Variants in QKI observed in about 807,000 individuals in gnomAD.
QKI encodes KH domain-containing RNA-binding protein QKI.
A neutral mutation model predicts 39.0 loss-of-function variants in QKI; 10 were observed. The ratio of observed to expected loss-of-function variants is 0.26; its 90% confidence interval spans 0.16 to 0.43. The LOEUF is 0.43. Ranked by LOEUF, QKI falls within the 20% of genes least tolerant of loss-of-function variation. QKI has a pLI of 1.00. For missense variants in QKI, 218 were observed against 428.0 expected, an observed-to-expected ratio of 0.51 and a Z score of 4.33; for synonymous variants, 204 against 155.4, an observed-to-expected ratio of 1.31 and a Z score of -2.33.
At chr6:163,519,842 A>G (rs1017423380) in intron 3 of QKI, among the ~76,000 whole-genome samples, 1 of 152,142 alleles carries the variant, frequency 6.6e-6, no homozygotes, top group African/African-American at 2.4e-5. Context: ...AATATCTCAG[A>G]AAATGTTTTT....
Position 163,495,793 on chromosome 6 carries a change from A to G in QKI, c.402+16897A>G, listed in dbSNP as rs73244784. On this transcript the variant is annotated intron_variant, in intron 3 of 7. Coordinates refer to ENST00000361752, the MANE Select transcript of QKI (RefSeq NM_006775.3). ...TAGATTCAGGCCATGCATTTTTCAC[A>G]AGAATGTTTTAAAAAGTGATGTTGT... 5.4e-3 allele frequency among the ~76,000 whole-genome samples: 824 copies of G among 152,234 alleles called. 8 individuals carry two copies. Among genetic ancestry groups the G allele is most frequent in the African/African-American group, 0.019 (771 of 41,534 alleles).
rs149013968 is a variant in QKI at position 163,521,561 on chromosome 6, C to T, written c.403-13421C>T. On this transcript the variant is annotated intron_variant, in intron 3 of 7. Coordinates refer to ENST00000361752, the MANE Select transcript of QKI (RefSeq NM_006775.3). Reference sequence around the variant, plus strand: ...TTTTTGAGACAGAAACTCACTCTGTCGCCCAGGCTGGAGTGCAGTGGCATG... The same window carrying T: ...TTTTTGAGACAGAAACTCACTCTGTTGCCCAGGCTGGAGTGCAGTGGCATG... 2.7e-3 allele frequency among the ~76,000 whole-genome samples: 404 copies of T among 152,248 alleles called. 2 individuals are homozygous for T. The highest frequency in any genetic ancestry group is 9.3e-3 in the African/African-American group (386 of 41,544).
At chr6:163,566,925 T>C in intron 7 of QKI, 130 bp downstream of exon 7, 2 of 1,453,660 alleles carry the variant, frequency 1.4e-6, no homozygotes, top group South Asian at 1.4e-5. Flanking sequence ...CTAAATTTGT[T>C]TGTGATCATT....
chr6:163,495,867 A>G (rs1205407660), intron 3 of QKI, among the ~76,000 whole-genome samples: 1 of 152,174 alleles, frequency 6.6e-6, no homozygotes. Context: ...AATTTGCCTC[A>G]TTTTTGATGT....
At chr6:163,463,979 G>T (rs1791537437) in intron 2 of QKI, among the ~76,000 whole-genome samples, 1 of 151,980 alleles carries the variant, frequency 6.6e-6, no homozygotes, top group South Asian at 2.1e-4. Flanking sequence ...AACATGCTCA[G>T]CTCCCCCTCA....
chr6:163,539,999 A>T (rs1781414249), intron 4 of QKI, among the ~76,000 whole-genome samples: 2 of 151,952 alleles, frequency 1.3e-5, no homozygotes, highest in South Asian at 4.1e-4. Context: ...TACTTACGTA[A>T]CATGAGATAC....
intron 2 of QKI, among the ~76,000 whole-genome samples, chr6:163,477,519 A>G (rs1792715562): frequency 6.6e-6 from 1 of 152,206 alleles, no homozygotes; most frequent in Admixed American, 6.5e-5. Context: ...GGTTGGGTAA[A>G]GAGGTAAAAT....
chr6:163,499,296 A>C (rs1345099688), intron 3 of QKI, among the ~76,000 whole-genome samples: 1 of 152,144 alleles, frequency 6.6e-6, no homozygotes, highest in African/African-American at 2.4e-5. Flanking sequence ...CATATCTTGG[A>C]CCAATTTGTA....
intron 3 of QKI, among the ~76,000 whole-genome samples, chr6:163,529,465 G>A (rs958941450): frequency 6.6e-6 from 1 of 152,022 alleles, no homozygotes; most frequent in Non-Finnish European, 1.5e-5. Context: ...TATTCAACTT[G>A]GAGCAAACTT....
At position 163,453,213 on chromosome 6, in the gene QKI, A is replaced by G. The variant is rs545885819; in HGVS notation, c.143-2066A>G. ...ATAGTAGATTTTTCAATATTGAACT[A>G]TTCTTGCACTCAGGGTATAAATTCT... On this transcript the variant is annotated intron_variant, in intron 1 of 7. Coordinates refer to ENST00000361752, the MANE Select transcript of QKI (RefSeq NM_006775.3). Among the ~76,000 whole-genome samples, 357 of 151,460 alleles carry G rather than the reference A, an allele frequency of 2.4e-3. 5 individuals carry two copies. The highest frequency in any genetic ancestry group is 8.3e-3 in the African/African-American group (341 of 41,314).
At chr6:163,535,849 C>T (rs1583180532) in intron 4 of QKI, among the ~76,000 whole-genome samples, 1 of 152,038 alleles carries the variant, frequency 6.6e-6, no homozygotes, top group Admixed American at 6.6e-5. Context: ...TGAGAATCGC[C>T]TGAGCCTGGG....
chr6:163,527,618 A>G (rs1266074692), intron 3 of QKI, among the ~76,000 whole-genome samples: 2 of 152,182 alleles, frequency 1.3e-5, no homozygotes, highest in Non-Finnish European at 2.9e-5. Flanking sequence ...AGATATTGTA[A>G]TTAGAGCATA....
At chr6:163,421,314 G>C (rs964137101) in intron 1 of QKI, among the ~76,000 whole-genome samples, 1 of 152,218 alleles carries the variant, frequency 6.6e-6, no homozygotes, top group East Asian at 1.9e-4. Context: ...TACTTAAATA[G>C]TATAGTTTCT....
At chr6:163,527,378 C>G (rs1780580815) in intron 3 of QKI, among the ~76,000 whole-genome samples, 1 of 152,092 alleles carries the variant, frequency 6.6e-6, no homozygotes, top group Non-Finnish European at 1.5e-5. Flanking sequence ...TGTATATATT[C>G]ACAATACGCC....
chr6:163,505,698 T>A (rs12210561), intron 3 of QKI, among the ~76,000 whole-genome samples: 13,108 of 152,282 alleles, frequency 0.086, 690 homozygotes, highest in African/African-American at 0.13. Flanking sequence ...ACTAACTTGT[T>A]TTTGATTCTA....
At position 163,577,040 on chromosome 6, in the gene QKI, C is replaced by T. The variant is rs1400904933; in HGVS notation, c.*6330C>T. 1 of 152,092 alleles carries T rather than the reference C, an allele frequency of 6.6e-6. No homozygotes were observed. Among genetic ancestry groups the T allele is most frequent in the African/African-American group, 2.4e-5 (1 of 41,402 alleles). The allele number at this position is 152,092 out of a possible 1,614,324, so 9.4% of individuals were successfully genotyped here. ...GCTGACCAAAACTTGATTTCATCAG[C>T]TTCATGAAAAGGACTAGTGTCATTA... is the stretch of plus-strand genomic sequence containing the variant. On this transcript the variant is annotated 3_prime_UTR_variant, in exon 8 of 8. Coordinates refer to ENST00000361752, the MANE Select transcript of QKI (RefSeq NM_006775.3).
intron 4 of QKI, among the ~76,000 whole-genome samples, chr6:163,559,937 G>GT (rs1470336534): frequency 6.6e-6 from 1 of 152,164 alleles, no homozygotes; most frequent in African/African-American, 2.4e-5. Context: ...GTCATGTAAA[G>GT]TTACTGGGAT....
At chr6:163,489,794 T>G (rs1467553715) in intron 3 of QKI, among the ~76,000 whole-genome samples, 4 of 152,200 alleles carry the variant, frequency 2.6e-5, no homozygotes, top group Non-Finnish European at 5.9e-5. Context: ...AGAACCATTA[T>G]AGTTACACAG....
intron 3 of QKI, among the ~76,000 whole-genome samples, chr6:163,483,099 A>C (rs1413997053): frequency 6.6e-6 from 1 of 152,238 alleles, no homozygotes; most frequent in Non-Finnish European, 1.5e-5. Flanking sequence ...TTAGTTTCCT[A>C]GTGCATATAA....
Sources: gnomAD v4.1 joint callset for allele counts (sites outside exome capture counted in the v4.1 genomes callset) on GRCh38, gnomAD v4.1.1 for gene constraint, MANE v1.5 for transcripts, NCBI Gene and HGNC (gene_info 2026-07-23, HGNC 2026-07-21) for gene names.